The following BZW1 variants were observed in gnomAD, a reference collection of about 807,000 sequenced individuals.
The protein encoded by BZW1 is basic leucine zipper and W2 domains 1.
BZW1 carries 3 observed loss-of-function variants against 54.1 expected under a neutral mutation model. That is an observed-to-expected ratio of 0.06 (90% CI 0.03 to 0.14). The LOEUF (loss-of-function observed/expected upper bound fraction) is 0.14, where lower values mean the gene tolerates loss of function less well. Ranked by LOEUF, BZW1 falls within the 10% of genes least tolerant of loss-of-function variation. The pLI is 1.00. For synonymous variants in BZW1, 152 were observed against 162.7 expected (o/e 0.93, Z 0.50); for missense variants, 206 against 491.7 (o/e 0.42, Z 5.50).
At chr2:200,814,098 A>G (rs976324499) in intron 2 of BZW1, among the ~76,000 whole-genome samples, 1 of 152,230 alleles carries the variant, frequency 6.6e-6, no homozygotes, top group African/African-American at 2.4e-5. Context: ...ATTTGATTCT[A>G]ATCTTTGCAG....
At chr2:200,820,348 C>A (rs1044627999) in intron 10 of BZW1, among the ~76,000 whole-genome samples, 1 of 152,132 alleles carries the variant, frequency 6.6e-6, no homozygotes, top group Non-Finnish European at 1.5e-5. Context: ...CATTATGCGT[C>A]CTCAAACTTG....
rs558852524 is a variant in BZW1, at chr2:200,815,713, C to T, written c.288C>T (p.Cys96=). 4.1e-4 allele frequency: 660 copies of T among 1,593,374 alleles called. 10 individuals are homozygous for T. In the South Asian group the frequency reaches 7.0e-3, roughly 17 times the overall value. Residue 96 remains cysteine, a synonymous_variant, in exon 4 of 12, where the codon TGC becomes TGT. Transcript: ENST00000409600. Reference sequence around the variant, plus strand: ...ATGACATGATGCGTACAGATGTCTGCGTGTTTGCAGCCCAAGAAGATCTAG... The same window carrying T: ...ATGACATGATGCGTACAGATGTCTGTGTGTTTGCAGCCCAAGAAGATCTAG... The part of the protein sequence containing the change: ...LADDMMRTDV[C]VFAAQEDLET...
intron 10 of BZW1, 50 bp from the exon 11 acceptor site, chr2:200,821,133 C>T (rs775413297): frequency 1.3e-6 from 2 of 1,592,568 alleles, no homozygotes; most frequent in Non-Finnish European, 1.7e-6. Context: ...GGTTCTAACG[C>T]TGAGTAGAGT....
Position 200,818,265 on chromosome 2 carries a change from A to C in BZW1, c.691A>C (p.Lys231Gln), listed in dbSNP as rs1473196058. Reference protein sequence around the residue: ...ANKQSVEHFTKYFTEAGLKEL... With the variant: ...ANKQSVEHFTQYFTEAGLKEL... The stretch of plus-strand genomic sequence containing the variant: ...TAAGCAAAGTGTTGAACACTTCACA[A>C]AATATTTTACTGAGGCAGGCTTGAA... Residue 231 changes from lysine to glutamine, a missense_variant, in exon 8 of 12, where the codon AAA becomes CAA. Physicochemically the swap from Lys to Gln is moderately conservative, Grantham distance 53 (BLOSUM62 1). This residue lies in a region of BZW1 where 81 missense variants were observed against 257.1 expected (regional missense o/e 0.32). Coordinates refer to ENST00000409600, the MANE Select transcript of BZW1 (RefSeq NM_001207067.2). The C allele has an allele frequency of 6.2e-7, 1 of 1,605,310 alleles. No homozygotes were observed. Among genetic ancestry groups the C allele is most frequent in the South Asian group, 1.1e-5 (1 of 89,932 alleles).
rs1440639058 is a variant in BZW1 at position 200,818,782 on chromosome 2, A to G, written c.847A>G (p.Lys283Glu). The G allele has an allele frequency of 1.3e-6, 2 of 1,584,124 alleles. No homozygotes were observed. Among genetic ancestry groups the G allele is most frequent in the Non-Finnish European group, 1.7e-6 (2 of 1,172,224 alleles). The change falls in exon 9 of 12, where the codon AAA (lysine) becomes GAA (glutamate). Residue 283 changes from lysine (K) to glutamate (E), a missense_variant. By Grantham distance (56) the Lys-to-Glu change is moderately conservative. This residue lies in a region of BZW1 where 31 missense variants were observed against 29.1 expected (regional missense o/e 1.07). Coordinates refer to ENST00000409600, the MANE Select transcript of BZW1 (RefSeq NM_001207067.2). ...AATTTTATATGTCAAGGAGGAGATG[A>G]AAAAAAACAACATCCCAGAGCCAGT... ...DIILYVKEEM[K>E]KNNIPEPVVI... is the part of the protein sequence containing the mutation.
In BZW1 at chr2:200,825,384, G is replaced by A. The variant is rs1251502787; in HGVS notation, c.*3206G>A. ...ATTTTTTTTTTTTAAATCCTTGGTA[G>A]TGATTGACCCCCATTGAGAATGCAT... is the stretch of plus-strand genomic sequence containing the variant. On this transcript the variant is annotated 3_prime_UTR_variant, in exon 12 of 12. Coordinates refer to ENST00000409600, the MANE Select transcript of BZW1 (RefSeq NM_001207067.2). 2.0e-5 allele frequency: 3 copies of A among 152,032 alleles called. No homozygotes were observed. The highest frequency in any genetic ancestry group is 4.4e-5 in the Non-Finnish European group (3 of 68,046). 9.4% of individuals were successfully genotyped at this position (152,032 alleles called of 1,614,324 possible). A position where few individuals can be genotyped will look rare whatever the true frequency, so the allele number is the denominator to read the frequency against.
intron 4 of BZW1, 69 bp from the exon 5 acceptor site, chr2:200,816,256 T>C: frequency 8.7e-7 from 1 of 1,150,638 alleles, no homozygotes; most frequent in African/African-American, 1.5e-5. Context: ...TTACATCGAG[T>C]GAAAGGTTTA....
At position 200,824,584 on chromosome 2, in the gene BZW1, A is replaced by G. The variant is rs1286751290; in HGVS notation, c.*2406A>G. On this transcript the variant is annotated 3_prime_UTR_variant, in exon 12 of 12. Coordinates refer to ENST00000409600, the MANE Select transcript of BZW1 (RefSeq NM_001207067.2). ...TATTTTGAAATAGCATATTTTAGTT[A>G]GGGGAAATGCATGTGACCAAGAGGT... is the stretch of plus-strand genomic sequence containing the variant. 2 of 151,392 alleles carry G rather than the reference A, an allele frequency of 1.3e-5. No homozygotes were observed. The highest frequency in any genetic ancestry group is 1.3e-4 in the Admixed American group (2 of 15,230). 9.4% of individuals were successfully genotyped at this position (151,392 alleles called of 1,614,324 possible).
In BZW1 at chr2:200,826,419, T is replaced by TGATAGA. The variant is rs1559318450; in HGVS notation, c.*4241_*4242insGATAGA. 1.6e-4 allele frequency: 9 copies of TGATAGA among 56,370 alleles called. No homozygotes were observed. Among genetic ancestry groups the TGATAGA allele is most frequent in the South Asian group, 1.9e-3 (2 of 1,028 alleles). 3.5% of individuals were successfully genotyped at this position (56,370 alleles called of 1,614,324 possible). On this transcript the variant is annotated 3_prime_UTR_variant, in exon 12 of 12. Coordinates refer to ENST00000409600, the MANE Select transcript of BZW1 (RefSeq NM_001207067.2). The stretch of plus-strand genomic sequence containing the variant: ...TAGATAGATAGATATTTTTTTTTTT[T>TGATAGA]TTTTTTTTTTTTTTTTTTTTTTTGA...
At chr2:200,817,610 C>T (rs971730199) in intron 6 of BZW1, among the ~76,000 whole-genome samples, 1 of 150,810 alleles carries the variant, frequency 6.6e-6, no homozygotes, top group East Asian at 1.9e-4. Flanking sequence ...CTCCAATTGT[C>T]GGATTATTCT....
intron 9 of BZW1, among the ~76,000 whole-genome samples, chr2:200,819,449 G>A (rs1297790847): frequency 6.6e-6 from 1 of 152,010 alleles, no homozygotes; most frequent in African/African-American, 2.4e-5. Flanking sequence ...CTTTTGAAGG[G>A]GGTATTGGAA....
At chr2:200,818,984 G>A in intron 9 of BZW1, 83 bp downstream of exon 9, 1 of 1,440,362 alleles carries the variant, frequency 6.9e-7, no homozygotes, top group Non-Finnish European at 9.2e-7. Context: ...TTTCTAAGAG[G>A]ATTTATCACA....
intron 2 of BZW1, among the ~76,000 whole-genome samples, chr2:200,814,738 G>T (rs1038959633): frequency 1.3e-5 from 2 of 152,118 alleles, no homozygotes; most frequent in African/African-American, 2.4e-5. Flanking sequence ...TAACTCCAGA[G>T]CCCATGTACT....
chr2:200,824,055 A>G lies in BZW1; in HGVS notation c.*1877A>G, dbSNP rs1001467473. The G allele has an allele frequency of 4.6e-5, 7 of 152,192 alleles. No individual in the cohort carries two copies. The highest frequency in any genetic ancestry group is 1.3e-4 in the Admixed American group (2 of 15,280). 9.4% of individuals were successfully genotyped at this position (152,192 alleles called of 1,614,324 possible). A position where few individuals can be genotyped will look rare whatever the true frequency, so the allele number is the denominator to read the frequency against. On this transcript the variant is annotated 3_prime_UTR_variant, in exon 12 of 12. Transcript: ENST00000409600. ...ATGTTTCTTCCATACAAAGTGTGCC[A>G]TTTTATACTGTGTATAGTGAAAAAG...
At chr2:200,817,339 T>C in intron 6 of BZW1, 98 bp downstream of exon 6, 4 of 1,406,498 alleles carry the variant, frequency 2.8e-6, no homozygotes, top group Non-Finnish European at 3.9e-6. Context: ...AAAGTCTTCG[T>C]TTATTAACCA....
rs772535347 is a variant in BZW1 at position 200,822,155 on chromosome 2, T to G, written c.1237T>G (p.Ser413Ala). The G allele has an allele frequency of 1.1e-5, 18 of 1,605,768 alleles. No individual in the cohort carries two copies. The East Asian group carries it at 2.2e-4, about 20-fold the overall frequency. The change falls in exon 12 of 12, where the codon TCT becomes GCT. Residue 413 changes from serine to alanine, a missense_variant. Ser to Ala is a moderately conservative substitution (Grantham distance 99). This residue lies in a region of BZW1 where 60 missense variants were observed against 151.8 expected (regional missense o/e 0.40). Coordinates refer to ENST00000409600, the MANE Select transcript of BZW1 (RefSeq NM_001207067.2). ...WLKNAEEESE[S>A]EAEEGD is the part of the protein sequence containing the mutation. The stretch of plus-strand genomic sequence containing the variant: ...TTTTTCCCCTTTTCTAGAATCTGAA[T>G]CTGAAGCTGAAGAAGGTGACTGAAT...
chr2:200,819,302 T>C (rs1350836101), intron 9 of BZW1, among the ~76,000 whole-genome samples: 1 of 152,028 alleles, frequency 6.6e-6, no homozygotes. Flanking sequence ...AGGCAGAGGA[T>C]CTCTTGAGCC....
chr2:200,812,248 G>T (rs1036944785), intron 1 of BZW1: 1 of 1,229,676 alleles, frequency 8.1e-7, no homozygotes, highest in Non-Finnish European at 1.0e-6. Flanking sequence ...TGGCCGAGGC[G>T]GGCTCCCTCT....
In BZW1 at chr2:200,825,721, AAGTTGTAGGCAT is replaced by A. The variant is rs1575064674; in HGVS notation, c.*3545_*3556del. The A allele has an allele frequency of 6.6e-6, 1 of 152,346 alleles. No homozygotes were observed. The highest frequency in any genetic ancestry group is 1.9e-4 in the East Asian group (1 of 5,192). The allele number at this position is 152,346 out of a possible 1,614,324, so 9.4% of individuals were successfully genotyped here. On this transcript the variant is annotated 3_prime_UTR_variant, in exon 12 of 12. Transcript: ENST00000409600. ...GAAAATCCTCTAGATGAATGAATTA[AAGTTGTAGGCAT>A]AACACTGATAAACCTCTGCTCTCAT... is the stretch of plus-strand genomic sequence containing the variant.
Sources: gnomAD v4.1 joint callset for allele counts (sites outside exome capture counted in the v4.1 genomes callset) on GRCh38, gnomAD v4.1.1 for gene constraint, gnomAD v4.1.1 regional missense constraint, MANE v1.5 for transcripts, NCBI Gene and HGNC (gene_info 2026-07-23, HGNC 2026-07-21) for gene names.